SH3KBP1: variants seen among roughly 807,000 people sequenced by gnomAD.
SH3KBP1 encodes the protein SH3 domain-containing kinase-binding protein 1.
A neutral mutation model predicts 50.1 loss-of-function variants in SH3KBP1; 8 were observed. The ratio of observed to expected loss-of-function variants is 0.16; its 90% CI spans 0.09 to 0.29. The LOEUF is 0.29. Among genes scored for constraint, SH3KBP1 ranks in the 10% least tolerant of loss-of-function variants. The pLI, the probability that SH3KBP1 is intolerant of heterozygous loss-of-function variation, is 1.00. For missense variants in SH3KBP1, 377 were observed against 535.2 expected (o/e 0.70, Z 2.92); for synonymous variants, 227 against 218.6 (o/e 1.04, Z -0.34).
intron 12 of SH3KBP1, among the ~76,000 whole-genome samples, chrX:19,569,743 G>A (rs2065950362): frequency 9.0e-6 from 1 of 111,617 alleles, no homozygotes; most frequent in African/African-American, 3.3e-5. Context: ...TCCTGGATGG[G>A]TGCCCCATGC....
chrX:19,877,174 T>G (rs2069279384), intron 1 of SH3KBP1, among the ~76,000 whole-genome samples: 1 of 112,204 alleles, frequency 8.9e-6, no homozygotes, highest in Non-Finnish European at 1.9e-5. Flanking sequence ...TAATTAGAAA[T>G]CACTGGCTAA....
intron 3 of SH3KBP1, among the ~76,000 whole-genome samples, chrX:19,738,163 T>C (rs1050663743): frequency 2.7e-5 from 3 of 111,606 alleles, no homozygotes; most frequent in African/African-American, 6.5e-5. Context: ...CTCCTTACCA[T>C]AGGCCATCTG....
At chrX:19,727,312 A>G (rs1337295081) in intron 3 of SH3KBP1, among the ~76,000 whole-genome samples, 3 of 111,866 alleles carry the variant, frequency 2.7e-5, no homozygotes, top group African/African-American at 9.8e-5. Context: ...TGAAACAATA[A>G]CTGCCCATTA....
chrX:19,754,327 C>A (rs1474539636), intron 2 of SH3KBP1, among the ~76,000 whole-genome samples: 1 of 111,837 alleles, frequency 8.9e-6, no homozygotes, highest in Non-Finnish European at 1.9e-5. Context: ...ACTTGCATGA[C>A]AGTTGGTGCC....
intron 3 of SH3KBP1, among the ~76,000 whole-genome samples, chrX:19,727,371 C>T (rs972516587): frequency 8.9e-6 from 1 of 112,341 alleles, no homozygotes; most frequent in African/African-American, 3.2e-5. Flanking sequence ...TGTCTCTATA[C>T]ATTTGACTAC....
chrX:19,575,086 G>A (rs185791682), intron 12 of SH3KBP1, among the ~76,000 whole-genome samples: 1 of 112,331 alleles, frequency 8.9e-6, no homozygotes, highest in Admixed American at 9.4e-5. Context: ...AACAGCCAAC[G>A]ACAACGGCTA....
intron 8 of SH3KBP1, among the ~76,000 whole-genome samples, chrX:19,626,646 C>T (rs2068030515): frequency 9.0e-6 from 1 of 110,880 alleles, no homozygotes; most frequent in Admixed American, 9.5e-5. Flanking sequence ...TGGCTCACTG[C>T]AGCCTCAACC....
chrX:19,731,017 G>A (rs1035798933), intron 3 of SH3KBP1, among the ~76,000 whole-genome samples: 27 of 111,792 alleles, frequency 2.4e-4, no homozygotes, highest in African/African-American at 8.8e-4. Context: ...TCAGCTCACT[G>A]CACCCTCCGC....
chrX:19,669,341 A>G (rs1470719068), intron 6 of SH3KBP1, among the ~76,000 whole-genome samples: 1 of 106,828 alleles, frequency 9.4e-6, no homozygotes, highest in Non-Finnish European at 1.9e-5. Context: ...TATTATTATT[A>G]CAAAGAGCTC....
chrX:19,707,119 G>A (rs755895342), intron 3 of SH3KBP1, 135 bp from the exon 4 acceptor site: 19 of 576,882 alleles, frequency 3.3e-5, no homozygotes, highest in East Asian at 2.3e-4. Flanking sequence ...CTTGAGGCAC[G>A]GCAGCCCTGG....
intron 1 of SH3KBP1, among the ~76,000 whole-genome samples, chrX:19,870,832 C>A (rs767469837): frequency 9.9e-5 from 11 of 111,143 alleles, no homozygotes; most frequent in East Asian, 2.8e-4. Context: ...CACAAAAGAC[C>A]GCACCAGAGC....
At chrX:19,753,539 G>A (rs1255532377) in intron 2 of SH3KBP1, among the ~76,000 whole-genome samples, 1 of 110,486 alleles carries the variant, frequency 9.1e-6, no homozygotes, top group African/African-American at 3.3e-5. Flanking sequence ...GCTGCCCCGT[G>A]AGTATGTTCC....
chrX:19,763,209 C>CAACT (rs1212065228), intron 2 of SH3KBP1, among the ~76,000 whole-genome samples: 1 of 111,781 alleles, frequency 8.9e-6, no homozygotes, highest in Non-Finnish European at 1.9e-5. Flanking sequence ...TCTGGGTCAA[C>CAACT]AACTTGGTGC....
intron 2 of SH3KBP1, among the ~76,000 whole-genome samples, chrX:19,818,737 C>A (rs1239384678): frequency 8.9e-6 from 1 of 112,095 alleles, no homozygotes; most frequent in East Asian, 2.8e-4. Context: ...GATTTCCAAA[C>A]ACTGAAGTGG....
chrX:19,534,663 A>G lies in SH3KBP1; in HGVS notation c.*1754T>C. 3.5e-6 allele frequency: 1 copy of G among 288,221 alleles called. No homozygotes were observed. Among genetic ancestry groups the G allele is most frequent in the Non-Finnish European group, 6.1e-6 (1 of 164,771 alleles). The allele number at this position is 288,221 out of a possible 1,213,427, so 23.8% of individuals were successfully genotyped here. ...AAGCACACTGAACCCGAGGCTGCTG[A>G]AAAGGCAATATATCCAGGGATGGGA... is the stretch of plus-strand genomic sequence containing the variant. On this transcript the variant is annotated 3_prime_UTR_variant, in exon 18 of 18. Transcript: ENST00000397821.
At chrX:19,730,427 T>C (rs150864758) in intron 3 of SH3KBP1, among the ~76,000 whole-genome samples, 4,504 of 111,670 alleles carry the variant, frequency 0.04, 106 homozygotes, top group Non-Finnish European at 0.061. Flanking sequence ...TGGCAAACTA[T>C]CTGGGAATTT....
chrX:19,639,544 T>C (rs1399619265), intron 7 of SH3KBP1, among the ~76,000 whole-genome samples: 3 of 111,074 alleles, frequency 2.7e-5, no homozygotes, highest in Non-Finnish European at 5.7e-5. Context: ...GGACTGTATT[T>C]GAAATGCAGA....
At chrX:19,572,722 G>C (rs932119673) in intron 12 of SH3KBP1, among the ~76,000 whole-genome samples, 3 of 111,053 alleles carry the variant, frequency 2.7e-5, no homozygotes, top group African/African-American at 9.8e-5. Context: ...AAAAGAACTA[G>C]AATCTTTCAT....
rs1175027286 is a variant in SH3KBP1, at chrX:19,669,323, A to AT, written c.726+14499dup. Reference sequence around the variant, plus strand: ...TCAACTTTGAATAATAATAATAATAATAATTATTATTATTATTACAAAGAG... The same window carrying AT: ...TCAACTTTGAATAATAATAATAATAATTAATTATTATTATTATTACAAAGAG... On this transcript the variant is annotated intron_variant, in intron 6 of 17. Coordinates refer to ENST00000397821, the MANE Select transcript of SH3KBP1 (RefSeq NM_031892.3). Among the ~76,000 whole-genome samples, 493 of 101,608 alleles carry AT rather than the reference A, an allele frequency of 4.9e-3. 3 individuals are homozygous for AT. Among genetic ancestry groups the AT allele is most frequent in the African/African-American group, 0.018 (469 of 26,027 alleles). The allele number at this position is 101,608 out of a possible 115,157, so 88.2% of individuals were successfully genotyped here.
Sources: gnomAD v4.1 joint callset for allele counts (sites outside exome capture counted in the v4.1 genomes callset) on GRCh38, gnomAD v4.1.1 for gene constraint, MANE v1.5 for transcripts, NCBI Gene and HGNC (gene_info 2026-07-23, HGNC 2026-07-21) for gene names.